Variants in NEK4 observed in about 807,000 individuals in gnomAD.
NEK4 encodes the protein NIMA related kinase 4, also known as serine/threonine-protein kinase Nek4.
NEK4 carries 86 observed loss-of-function variants against 98.4 expected under a neutral mutation model. That is an observed-to-expected ratio of 0.87 (90% confidence interval 0.73 to 1.05). The LOEUF (loss-of-function observed/expected upper bound fraction) is 1.05. NEK4 is among the 50% of genes least tolerant of loss of function. NEK4 has a pLI of 0.00. For synonymous variants in NEK4, 328 were observed against 342.2 expected, an observed-to-expected ratio of 0.96 and a Z score of 0.46; for missense variants, 898 against 950.3, an observed-to-expected ratio of 0.94 and a Z score of 0.72.
chr3:52,743,383 C>A lies in NEK4; in HGVS notation c.1973G>T (p.Arg658Leu). ...GACGCTGCAGTCAGAGGAGAGCCGT[C>A]GGGCAGGCAAGGGCTGGTCTTCTTC... ...PQEEDQPLPA[R>L]RLSSDCSVTQ... The change falls in exon 12 of 16, where the codon CGA (arginine) becomes CTA (leucine). Residue 658 changes from arginine to leucine, a missense_variant. Arg to Leu is a moderately radical substitution (Grantham distance 102, BLOSUM62 -2). Coordinates refer to ENST00000233027, the MANE Select transcript of NEK4 (RefSeq NM_003157.6). 1 of 1,614,052 alleles carries A rather than the reference C, an allele frequency of 6.2e-7. No individual in the cohort carries two copies. Among genetic ancestry groups the A allele is most frequent in the Non-Finnish European group, 8.5e-7 (1 of 1,179,978 alleles).
Position 52,711,677 on chromosome 3 carries a change from C to T in NEK4, c.*100G>A, listed in dbSNP as rs1440974531. The T allele has an allele frequency of 8.5e-6, 6 of 704,776 alleles. No individual in the cohort carries two copies. Among genetic ancestry groups the T allele is most frequent in the Non-Finnish European group, 1.5e-5 (6 of 393,096 alleles). 43.7% of individuals were successfully genotyped at this position (704,776 alleles called of 1,614,324 possible). ...AGAGATATAAAAAAGAGATATAAAA[C>T]AGTGGTGAGTGGCTTCCAAATGACT... is the stretch of plus-strand genomic sequence containing the variant. On this transcript the variant is annotated 3_prime_UTR_variant, in exon 16 of 16. Transcript: ENST00000233027.
At chr3:52,722,566 A>T (rs2097361032) in intron 15 of NEK4, among the ~76,000 whole-genome samples, 1 of 152,198 alleles carries the variant, frequency 6.6e-6, no homozygotes, top group Non-Finnish European at 1.5e-5. Context: ...AAAACAAAAG[A>T]AATCAATAGA....
chr3:52,746,989 T>C (rs2154104585), intron 8 of NEK4, 85 bp from the exon 9 acceptor site: 1 of 1,102,492 alleles, frequency 9.1e-7, no homozygotes, highest in South Asian at 1.6e-5. Context: ...AAAAAGTGGC[T>C]TTTGTTTTTT....
chr3:52,769,277 G>T (rs192622798), intron 1 of NEK4, among the ~76,000 whole-genome samples: 139 of 151,994 alleles, frequency 9.1e-4, no homozygotes, highest in African/African-American at 3.2e-3. Flanking sequence ...CTCCCAAAAA[G>T]GTGAATAAAA....
rs200552951 is a variant in NEK4 at position 52,746,044 on chromosome 3, C to T, written c.1827+17G>A. 5.0e-6 allele frequency: 8 copies of T among 1,610,768 alleles called. No individual in the cohort carries two copies. Among genetic ancestry groups the T allele is most frequent in the South Asian group, 2.2e-5 (2 of 90,414 alleles). ...GGTTATAAGGTTTTTAAAAATCCAG[C>T]ATATGTTCCCACAAACCTTTGATGA... is the stretch of plus-strand genomic sequence containing the variant. On this transcript the variant is annotated intron_variant, in intron 10 of 15. Transcript: ENST00000233027.
intron 15 of NEK4, among the ~76,000 whole-genome samples, chr3:52,725,595 G>A (rs760217557): frequency 7.9e-5 from 12 of 151,944 alleles, no homozygotes; most frequent in Non-Finnish European, 2.9e-5. Flanking sequence ...AAGGATTTGG[G>A]GCAGAGCTGT....
At chr3:52,768,706 G>A in intron 1 of NEK4, 102 bp from the exon 2 acceptor site, 1 of 1,009,424 alleles carries the variant, frequency 9.9e-7, no homozygotes, top group Non-Finnish European at 1.5e-6. Flanking sequence ...AACCAACCTT[G>A]TGGAGCCTGT....
At chr3:52,734,916 A>G in intron 15 of NEK4, 1 of 219,554 alleles carries the variant, frequency 4.6e-6, no homozygotes, top group Non-Finnish European at 9.2e-6. Context: ...ACCAAAAAAA[A>G]AGGGGTAATG....
intron 15 of NEK4, among the ~76,000 whole-genome samples, chr3:52,726,252 T>C (rs2097364436): frequency 6.6e-6 from 1 of 152,146 alleles, no homozygotes; most frequent in Non-Finnish European, 1.5e-5. Context: ...CAGACTTCAA[T>C]ACCCCACTCT....
chr3:52,720,058 G>A (rs956430966), intron 15 of NEK4, among the ~76,000 whole-genome samples: 9 of 152,094 alleles, frequency 5.9e-5, no homozygotes, highest in African/African-American at 1.9e-4. Context: ...CGAGGTGGGC[G>A]AATCACTTGA....
intron 6 of NEK4, among the ~76,000 whole-genome samples, chr3:52,753,216 T>C (rs191869779): frequency 1.4e-3 from 211 of 152,102 alleles, no homozygotes; most frequent in Non-Finnish European, 2.5e-3. Context: ...AGTGGGAGGA[T>C]TGCTTGAGCC....
chr3:52,733,341 T>G (rs2097371748), intron 15 of NEK4: 2 of 361,298 alleles, frequency 5.5e-6, no homozygotes, highest in African/African-American at 4.3e-5. Context: ...CATCAAAGAA[T>G]TCATCCTGGA....
At chr3:52,746,233 T>C (rs760334113) in intron 9 of NEK4, 23 bp from the exon 10 acceptor site, 5 of 1,610,762 alleles carry the variant, frequency 3.1e-6, no homozygotes, top group Non-Finnish European at 4.2e-6. Flanking sequence ...AAAAAGAAGA[T>C]TATCAGTTTC....
rs899625737 is a variant in NEK4 at position 52,761,897 on chromosome 3, A to G, written c.822-961T>C. 7.2e-5 allele frequency among the ~76,000 whole-genome samples: 11 copies of G among 152,352 alleles called. No individual in the cohort carries two copies. In the South Asian group the frequency reaches 1.4e-3, roughly 20 times the overall value. On this transcript the variant is annotated intron_variant, in intron 5 of 15. Transcript: ENST00000233027. ...TCCTGCTTATAGAATAAATGCATAC[A>G]GGAATAACATCCCCAACTATTTTAG... is the stretch of plus-strand genomic sequence containing the variant.
intron 13 of NEK4, among the ~76,000 whole-genome samples, chr3:52,740,147 C>T (rs2097383235): frequency 6.6e-6 from 1 of 152,150 alleles, no homozygotes; most frequent in African/African-American, 2.4e-5. Context: ...CAGTGTCTAG[C>T]ATCCCATCAA....
intron 6 of NEK4, among the ~76,000 whole-genome samples, chr3:52,759,739 T>C (rs902536008): frequency 1.3e-5 from 2 of 152,184 alleles, no homozygotes; most frequent in African/African-American, 4.8e-5. Context: ...GCAATTCCAC[T>C]GCTAGGTATG....
Position 52,711,784 on chromosome 3 carries a change from T to G in NEK4, c.2519A>C (p.Asn840Thr), listed in dbSNP as rs769822247. The G allele has an allele frequency of 1.2e-6, 2 of 1,603,170 alleles. No individual in the cohort carries two copies. Among genetic ancestry groups the G allele is most frequent in the East Asian group, 4.5e-5 (2 of 44,758 alleles). ...RQLKFFEENM[N>T]F ...GCAGATTAGGACAAATGCTCAAAAATTCATGTTTTCTTCAAAAAATTTCAA... is the reference window on the plus strand; with the variant it reads ...GCAGATTAGGACAAATGCTCAAAAAGTCATGTTTTCTTCAAAAAATTTCAA... The change falls in exon 16 of 16, where the codon AAT (asparagine) becomes ACT (threonine). Residue 840 changes from asparagine (N) to threonine (T), a missense_variant. Physicochemically the swap from Asn to Thr is moderately conservative, Grantham distance 65. Coordinates refer to ENST00000233027, the MANE Select transcript of NEK4 (RefSeq NM_003157.6).
chr3:52,711,810 C>CT lies in NEK4; in HGVS notation c.2492dup (p.Leu832ValfsTer5). 1 of 1,610,988 alleles carries CT rather than the reference C, an allele frequency of 6.2e-7. No individual in the cohort carries two copies. The highest frequency in any genetic ancestry group is 8.5e-7 in the Non-Finnish European group (1 of 1,178,090). On this transcript the variant is annotated frameshift_variant, in exon 16 of 16. Transcript: ENST00000233027. LOFTEE classifies it high-confidence loss of function. ...TCATGTTTTCTTCAAAAAATTTCAA[C>CT]TGGCGAGCTTTCACACTGTAAGTTG...
In NEK4 at chr3:52,740,244, A is replaced by G. The variant is rs1165026811; in HGVS notation, c.2094-610T>C. 2.6e-5 allele frequency among the ~76,000 whole-genome samples: 4 copies of G among 152,184 alleles called. No individual in the cohort carries two copies. The East Asian group carries it at 7.7e-4, about 29-fold the overall frequency. ...GTTAATAGAAACATATCCAAAAGTG[A>G]CACGACTGATAGAATTAATAAATGA... On this transcript the variant is annotated intron_variant, in intron 13 of 15. Coordinates refer to ENST00000233027, the MANE Select transcript of NEK4 (RefSeq NM_003157.6).
Sources: allele counts gnomAD v4.1 joint callset (sites outside exome capture counted in the v4.1 genomes callset), GRCh38; gene constraint gnomAD v4.1.1; transcripts MANE v1.5; gene names NCBI Gene and HGNC (gene_info 2026-07-23, HGNC 2026-07-21).